The following CAMTA1 variants were observed in gnomAD, a reference collection of about 807,000 sequenced individuals.
CAMTA1 encodes the protein calmodulin-binding transcription activator 1.
In CAMTA1, 27 loss-of-function variants were observed where a neutral mutation model predicts 170.9. The observed-to-expected ratio is 0.16, with a 90% CI of 0.12 to 0.22. The LOEUF (loss-of-function observed/expected upper bound fraction) is 0.22, where lower values mean the gene tolerates loss of function less well. Ranked by LOEUF, CAMTA1 falls within the 10% of genes least tolerant of loss-of-function variation. CAMTA1 has a pLI of 1.00. For synonymous variants in CAMTA1, 833 were observed against 891.5 expected (o/e 0.93, Z 1.17); for missense variants, 1,619 against 2,217.2 (o/e 0.73, Z 5.42).
At chr1:7,489,703 A>G (rs183432503) in intron 6 of CAMTA1, among the ~76,000 whole-genome samples, 1 of 152,312 alleles carries the variant, frequency 6.6e-6, no homozygotes, top group Non-Finnish European at 1.5e-5. Flanking sequence ...GCACGCATCC[A>G]GCCTCCCCAC....
At position 7,063,938 on chromosome 1, in the gene CAMTA1, T is replaced by G. The variant is rs935074302; in HGVS notation, c.235-27366T>G. On this transcript the variant is annotated intron_variant, in intron 3 of 22. Transcript: ENST00000303635. This position sits in a 1 kb window ranked among gnomAD's most constrained non-coding sequence, Gnocchi z 4.3. ...ACTGGGTGGCTTTAACAGAAGACAT[T>G]GATTTCTAACAGTTCTGGAGGCTGG... Among the ~76,000 whole-genome samples the G allele has an allele frequency of 1.3e-5, 2 of 152,206 alleles. No individual in the cohort carries two copies. The highest frequency in any genetic ancestry group is 2.9e-5 in the Non-Finnish European group (2 of 68,046).
intron 6 of CAMTA1, among the ~76,000 whole-genome samples, chr1:7,486,855 A>T (rs1179570847): frequency 6.6e-6 from 1 of 152,154 alleles, no homozygotes. Context: ...CCCTGTGAGC[A>T]ACCCCCTGGA....
intron 4 of CAMTA1, among the ~76,000 whole-genome samples, chr1:7,174,601 G>T (rs575185414): frequency 1.1e-4 from 16 of 152,302 alleles, no homozygotes; most frequent in African/African-American, 3.8e-4. Flanking sequence ...AGGCTGGGGG[G>T]ACCACTTCTG....
At chr1:7,332,826 TACAC>T (rs139361283) in intron 5 of CAMTA1, among the ~76,000 whole-genome samples, 1 of 150,662 alleles carries the variant, frequency 6.6e-6, no homozygotes, top group Non-Finnish European at 1.5e-5. Context: ...CACCCGCAGA[TACAC>T]ACACACACAC....
chr1:7,155,537 A>T (rs1481530848), intron 4 of CAMTA1, among the ~76,000 whole-genome samples: 1 of 147,540 alleles, frequency 6.8e-6, no homozygotes, highest in Non-Finnish European at 1.5e-5. Context: ...TTTCCAAGAG[A>T]TCCTCCCACC....
chr1:6,875,716 G>A (rs1455153867), intron 3 of CAMTA1, among the ~76,000 whole-genome samples: 2 of 152,098 alleles, frequency 1.3e-5, no homozygotes, highest in Admixed American at 6.6e-5. Flanking sequence ...TATTACCAAT[G>A]GCTTCCTTAA....
rs907077082 is a variant in CAMTA1 at position 7,664,335 on chromosome 1, G to A, written c.1788G>A (p.Thr596=). ...CCATCGACTCCAACAAGGACTACAC[G>A]TCCAGCTTCAGCCAGACGGGCCACA... is the stretch of plus-strand genomic sequence containing the variant. ...FSAIDSNKDY[T]SSFSQTGHSP... Residue 596 remains threonine, a synonymous_variant, in exon 9 of 23, where the codon ACG becomes ACA. Coordinates refer to ENST00000303635, the MANE Select transcript of CAMTA1 (RefSeq NM_015215.4). 4.3e-6 allele frequency: 7 copies of A among 1,613,394 alleles called. No individual in the cohort carries two copies. Among genetic ancestry groups the A allele is most frequent in the Middle Eastern group, 1.6e-4 (1 of 6,084 alleles).
intron 6 of CAMTA1, among the ~76,000 whole-genome samples, chr1:7,501,628 T>TTTTA (rs397705926): frequency 1.3e-5 from 2 of 151,384 alleles, no homozygotes; most frequent in African/African-American, 4.9e-5. Flanking sequence ...GTTTTTTTTT[T>TTTTA]ATTTTAGTCT....
intron 5 of CAMTA1, among the ~76,000 whole-genome samples, chr1:7,359,178 G>A (rs1010067821): frequency 1.3e-5 from 2 of 152,198 alleles, no homozygotes; most frequent in African/African-American, 4.8e-5. Flanking sequence ...TATCAGTCAT[G>A]GGTACCAGGT....
At chr1:7,751,154 C>T (rs375218834) in intron 19 of CAMTA1, 45 bp from the exon 20 acceptor site, 35 of 1,460,762 alleles carry the variant, frequency 2.4e-5, no homozygotes, top group East Asian at 6.8e-5. Context: ...TGAGCCCGTG[C>T]AGCCCCTGTT....
chr1:7,590,810 G>C (rs1576274736), intron 6 of CAMTA1, among the ~76,000 whole-genome samples: 1 of 152,258 alleles, frequency 6.6e-6, no homozygotes, highest in African/African-American at 2.4e-5. Flanking sequence ...CAGAGAGAGA[G>C]GGGAGTTTCC....
At chr1:7,375,848 G>A (rs1228814217) in intron 5 of CAMTA1, among the ~76,000 whole-genome samples, 1 of 152,234 alleles carries the variant, frequency 6.6e-6, no homozygotes, top group Non-Finnish European at 1.5e-5. Context: ...CTTCTTCTAA[G>A]TCACCCTTTG....
chr1:6,933,175 T>C (rs562005069), intron 3 of CAMTA1, among the ~76,000 whole-genome samples: 1 of 152,290 alleles, frequency 6.6e-6, no homozygotes, highest in East Asian at 1.9e-4. Flanking sequence ...TCCTTCTGCC[T>C]CAGCCTCCTG....
At chr1:7,043,482 A>G (rs1373997913) in intron 3 of CAMTA1, among the ~76,000 whole-genome samples, 2 of 152,198 alleles carry the variant, frequency 1.3e-5, no homozygotes, top group Admixed American at 6.5e-5. Flanking sequence ...GGGTGCTTAA[A>G]AGCACAGGGC....
At position 7,010,678 on chromosome 1, in the gene CAMTA1, A is replaced by G. The variant is rs1699650635; in HGVS notation, c.235-80626A>G. ...GCCTGGCACCGAATAGGTGCTGTTT[A>G]CGTGATAGCTTGTATGGTTGGCTCT... On this transcript the variant is annotated intron_variant, in intron 3 of 22. Coordinates refer to ENST00000303635, the MANE Select transcript of CAMTA1 (RefSeq NM_015215.4). The surrounding 1 kb of genome is among the most constrained non-coding windows in gnomAD (Gnocchi z 4.4). 6.6e-6 allele frequency among the ~76,000 whole-genome samples: 1 copy of G among 152,138 alleles called. No individual in the cohort carries two copies.
At chr1:7,261,628 C>A (rs545341875) in intron 5 of CAMTA1, among the ~76,000 whole-genome samples, 1 of 152,120 alleles carries the variant, frequency 6.6e-6, no homozygotes, top group East Asian at 1.9e-4. Flanking sequence ...CTAGGCTTTG[C>A]GGATGGTGGA....
rs569534972 is a variant in CAMTA1, at chr1:7,765,079, C to A, written c.4990-1380C>A. On this transcript the variant is annotated intron_variant, in intron 22 of 22. Transcript: ENST00000303635. Reference sequence around the variant, plus strand: ...CTGTATAGCACCACGACAAATCCACCTTTTCCTGATCATGCTGTTGCAGTA... The same window carrying A: ...CTGTATAGCACCACGACAAATCCACATTTTCCTGATCATGCTGTTGCAGTA... 4.6e-5 allele frequency among the ~76,000 whole-genome samples: 7 copies of A among 152,268 alleles called. No individual in the cohort carries two copies. In the East Asian group the frequency reaches 1.2e-3, roughly 25 times the overall value.
chr1:6,936,998 CA>C (rs1332907264), intron 3 of CAMTA1, among the ~76,000 whole-genome samples: 2 of 151,378 alleles, frequency 1.3e-5, no homozygotes, highest in African/African-American at 4.9e-5. Context: ...AAAAAAAAGA[CA>C]AAAAAAACAG....
chr1:7,139,457 AT>A (rs1175316372), intron 4 of CAMTA1, among the ~76,000 whole-genome samples: 2 of 151,604 alleles, frequency 1.3e-5, no homozygotes, highest in Non-Finnish European at 2.9e-5. Context: ...CCCAGCAGCG[AT>A]TCTGCTTTGC....
Sources: gnomAD v4.1 joint callset for allele counts (sites outside exome capture counted in the v4.1 genomes callset) on GRCh38, gnomAD v4.1.1 for gene constraint, Gnocchi (gnomAD v3.1) non-coding constraint, MANE v1.5 for transcripts, NCBI Gene and HGNC (gene_info 2026-07-23, HGNC 2026-07-21) for gene names.